CTTNBP2NL: variants seen among roughly 807,000 people sequenced by gnomAD.
CTTNBP2NL encodes the protein CTTNBP2 N-terminal-like protein.
CTTNBP2NL carries 16 observed loss-of-function variants against 32.5 expected under a neutral mutation model. The ratio of observed to expected loss-of-function variants is 0.49; its 90% CI spans 0.33 to 0.75. The LOEUF is 0.75. Among genes scored for constraint, CTTNBP2NL ranks in the 30% least tolerant of loss-of-function variants. The probability of loss-of-function intolerance (pLI) is 0.02; values close to 1 mark genes in which losing one functional copy is unlikely to be tolerated. For synonymous variants in CTTNBP2NL, 298 were observed against 289.4 expected, an observed-to-expected ratio of 1.03 and a Z score of -0.30; for missense variants, 645 against 756.0, an observed-to-expected ratio of 0.85 and a Z score of 1.72.
At chr1:112,418,237 G>A (rs1201231625) in intron 3 of CTTNBP2NL, among the ~76,000 whole-genome samples, 1 of 152,060 alleles carries the variant, frequency 6.6e-6, no homozygotes, top group East Asian at 1.9e-4. Context: ...AGTTCCCATA[G>A]GCTGTAAGTT....
intron 3 of CTTNBP2NL, among the ~76,000 whole-genome samples, chr1:112,439,642 T>G (rs1649837917): frequency 6.6e-6 from 1 of 152,004 alleles, no homozygotes; most frequent in African/African-American, 2.4e-5. Flanking sequence ...CCAATAAAGG[T>G]TTTTCAAGTT....
chr1:112,395,240 T>A (rs2488766), upstream of CTTNBP2NL, among the ~76,000 whole-genome samples: 70,661 of 152,126 alleles, frequency 0.46, 18,997 homozygotes, highest in African/African-American at 0.75. Flanking sequence ...TTAAATAATG[T>A]GGTTATTGTA....
Position 112,456,340 on chromosome 1 carries a change from A to G in CTTNBP2NL, c.848A>G (p.His283Arg), listed in dbSNP as rs1289141970. ...IVKDLEASHQ[H>R]SSPNEQLKKP... ...AAGGACCTAGAGGCTTCCCACCAGC[A>G]CAGTAGCCCTAATGAGCAATTGAAG... The change falls in exon 6 of 6, where the codon CAC becomes CGC. Residue 283 changes from histidine (H) to arginine (R), a missense_variant. His to Arg is a conservative substitution (Grantham distance 29). Transcript: ENST00000271277. The G allele has an allele frequency of 7.4e-6, 12 of 1,613,940 alleles. No homozygotes were observed. In the Admixed American group the frequency reaches 1.2e-4, roughly 16 times the overall value.
chr1:112,451,436 G>A (rs1284868880), intron 4 of CTTNBP2NL, among the ~76,000 whole-genome samples: 2 of 149,976 alleles, frequency 1.3e-5, no homozygotes, highest in African/African-American at 4.9e-5. Flanking sequence ...CTGATGGTCT[G>A]TGTGCAGGAA....
chr1:112,455,720 A>G (rs1650341018), intron 5 of CTTNBP2NL, among the ~76,000 whole-genome samples: 1 of 152,252 alleles, frequency 6.6e-6, no homozygotes, highest in African/African-American at 2.4e-5. Context: ...ACTGCAAGAC[A>G]GTATGGGAAC....
intron 3 of CTTNBP2NL, among the ~76,000 whole-genome samples, chr1:112,418,871 T>A (rs1649142575): frequency 6.6e-6 from 1 of 152,214 alleles, no homozygotes; most frequent in Non-Finnish European, 1.5e-5. Context: ...AAAATTTAGA[T>A]TAAATAGTTT....
At chr1:112,423,543 C>T (rs186330364) in intron 3 of CTTNBP2NL, among the ~76,000 whole-genome samples, 1 of 151,036 alleles carries the variant, frequency 6.6e-6, no homozygotes, top group Non-Finnish European at 1.5e-5. Flanking sequence ...TAATCTAGAC[C>T]AGGAAAAAAA....
intron 1 of CTTNBP2NL, among the ~76,000 whole-genome samples, chr1:112,399,402 A>G (rs995019731): frequency 9.3e-5 from 14 of 150,986 alleles, no homozygotes; most frequent in African/African-American, 3.4e-4. Context: ...TTTAAAATGG[A>G]TTTTTAGTTG....
At chr1:112,398,574 T>G (rs1360170448) in intron 1 of CTTNBP2NL, among the ~76,000 whole-genome samples, 2 of 152,190 alleles carry the variant, frequency 1.3e-5, no homozygotes, top group African/African-American at 4.8e-5. Context: ...TTGTCTTCAT[T>G]TAACTTGATT....
chr1:112,428,108 CACAT>C (rs2101013191), intron 3 of CTTNBP2NL, among the ~76,000 whole-genome samples: 1 of 149,664 alleles, frequency 6.7e-6, no homozygotes, highest in African/African-American at 2.6e-5. Flanking sequence ...CACACTCACA[CACAT>C]ACACACACAT....
chr1:112,436,168 A>C (rs922358301), intron 3 of CTTNBP2NL, among the ~76,000 whole-genome samples: 2 of 150,730 alleles, frequency 1.3e-5, no homozygotes, highest in Non-Finnish European at 1.5e-5. Context: ...TTTACTTTCC[A>C]AAGTGGTAAC....
chr1:112,408,963 A>G (rs1191469247), intron 1 of CTTNBP2NL, among the ~76,000 whole-genome samples: 1 of 152,068 alleles, frequency 6.6e-6, no homozygotes, highest in Non-Finnish European at 1.5e-5. Flanking sequence ...CCCCGTCTCT[A>G]CTAAAAATAT....
chr1:112,440,104 G>A (rs1649855422), intron 3 of CTTNBP2NL, among the ~76,000 whole-genome samples: 1 of 152,118 alleles, frequency 6.6e-6, no homozygotes, highest in African/African-American at 2.4e-5. Flanking sequence ...ATAATACACA[G>A]TACCCAGCAA....
chr1:112,403,743 G>C (rs962805795), intron 1 of CTTNBP2NL, among the ~76,000 whole-genome samples: 1 of 152,192 alleles, frequency 6.6e-6, no homozygotes, highest in African/African-American at 2.4e-5. Context: ...TAAGCAGAAG[G>C]CTGGCCTTTT....
At chr1:112,418,497 G>A (rs1649129782) in intron 3 of CTTNBP2NL, among the ~76,000 whole-genome samples, 1 of 151,878 alleles carries the variant, frequency 6.6e-6, no homozygotes. Flanking sequence ...GTTATGGAGG[G>A]GACCTATACT....
Position 112,456,455 on chromosome 1 carries a change from A to G in CTTNBP2NL, c.963A>G (p.Arg321=), listed in dbSNP as rs780552295. 24 of 1,614,152 alleles carry G rather than the reference A, an allele frequency of 1.5e-5. No individual in the cohort carries two copies. Among genetic ancestry groups the G allele is most frequent in the Non-Finnish European group, 1.9e-5 (22 of 1,180,028 alleles). The change falls in exon 6 of 6, where the codon AGA becomes AGG. Residue 321 remains arginine, a synonymous_variant. Transcript: ENST00000271277. ...AAACAGAGAGTTTTCCAGCAGAAAG[A>G]ACCCATGGGAGCAACATAGCCAAGA... ...FCQTESFPAE[R]THGSNIAKMT...
Position 112,426,676 on chromosome 1 carries a change from G to A in CTTNBP2NL, c.99+10412G>A, listed in dbSNP as rs1056401721. On this transcript the variant is annotated intron_variant, in intron 3 of 5. Coordinates refer to ENST00000271277, the MANE Select transcript of CTTNBP2NL (RefSeq NM_018704.3). Reference sequence around the variant, plus strand: ...GGTTGGAGTGCAGTGGCATGATCTCGGCTCACTGCTACCTCTGCCTCCTGG... The same window carrying A: ...GGTTGGAGTGCAGTGGCATGATCTCAGCTCACTGCTACCTCTGCCTCCTGG... Among the ~76,000 whole-genome samples, 7 of 145,698 alleles carry A rather than the reference G, an allele frequency of 4.8e-5. No individual in the cohort carries two copies. In the East Asian group the frequency reaches 8.0e-4, roughly 17 times the overall value.
At chr1:112,452,335 C>CTTCTTTTTTT (rs1553227272) in intron 4 of CTTNBP2NL, among the ~76,000 whole-genome samples, 1 of 65,688 alleles carries the variant, frequency 1.5e-5, no homozygotes, top group African/African-American at 6.1e-5. Context: ...CCAGTCTCTT[C>CTTCTTTTTTT]TTTTTTTTTT....
At chr1:112,444,575 T>C (rs1170871460) in intron 3 of CTTNBP2NL, among the ~76,000 whole-genome samples, 1 of 152,234 alleles carries the variant, frequency 6.6e-6, no homozygotes, top group African/African-American at 2.4e-5. Flanking sequence ...TGTCTGAAAT[T>C]AAAGACCATC....
Sources: allele counts gnomAD v4.1 joint callset (sites outside exome capture counted in the v4.1 genomes callset), GRCh38; gene constraint gnomAD v4.1.1; transcripts MANE v1.5; gene names NCBI Gene and HGNC (gene_info 2026-07-23, HGNC 2026-07-21).